SOX5: variants seen among roughly 807,000 people sequenced by gnomAD.
The protein encoded by SOX5 is SRY-box transcription factor 5, also known as transcription factor SOX-5.
SOX5 carries 9 observed loss-of-function variants against 92.0 expected under a neutral mutation model. The observed-to-expected ratio is 0.10, with a 90% confidence interval of 0.06 to 0.17. SOX5 has a LOEUF of 0.17. SOX5 is among the 10% of genes least tolerant of loss of function. The pLI, the probability that SOX5 is intolerant of heterozygous loss-of-function variation, is 1.00. For synonymous variants in SOX5, 344 were observed against 336.3 expected (o/e 1.02, Z -0.25); for missense variants, 642 against 944.5 (o/e 0.68, Z 4.20).
At chr12:24,062,111 A>G (rs1251970407) in intron 4 of SOX5, among the ~76,000 whole-genome samples, 1 of 152,242 alleles carries the variant, frequency 6.6e-6, no homozygotes, top group African/African-American at 2.4e-5. Flanking sequence ...CATAGGCTTA[A>G]GAGGCAGACT....
At chr12:24,199,810 C>A (rs1229917716) in intron 4 of SOX5, among the ~76,000 whole-genome samples, 2 of 152,120 alleles carry the variant, frequency 1.3e-5, no homozygotes, top group Non-Finnish European at 2.9e-5. Context: ...GTGCACCTAA[C>A]AAGAGAGGTG....
At chr12:24,129,513 G>C (rs1413245965) in intron 4 of SOX5, among the ~76,000 whole-genome samples, 1 of 152,144 alleles carries the variant, frequency 6.6e-6, no homozygotes, top group Non-Finnish European at 1.5e-5. Context: ...CAACAAAATT[G>C]TGCAGGGATG....
At chr12:24,132,998 C>T (rs945531776) in intron 4 of SOX5, among the ~76,000 whole-genome samples, 1 of 152,144 alleles carries the variant, frequency 6.6e-6, no homozygotes, top group South Asian at 2.1e-4. Flanking sequence ...GTCAACCTAG[C>T]GCTGTTATCC....
intron 4 of SOX5, among the ~76,000 whole-genome samples, chr12:24,073,001 G>T (rs1248988034): frequency 1.3e-5 from 2 of 152,048 alleles, no homozygotes; most frequent in South Asian, 2.1e-4. Context: ...TCCTAAAATG[G>T]ATACCTCAAA....
chr12:24,043,608 G>A (rs556954092), intron 4 of SOX5, among the ~76,000 whole-genome samples: 1 of 152,284 alleles, frequency 6.6e-6, no homozygotes, highest in South Asian at 2.1e-4. Flanking sequence ...AGTTCATCAT[G>A]GGATGGCGGC....
In SOX5 at chr12:23,529,834, T is replaced by C. The variant is rs539590320; in HGVS notation, c.*4385A>G. The C allele has an allele frequency of 1.3e-5, 2 of 152,350 alleles. No individual in the cohort carries two copies. Among genetic ancestry groups the C allele is most frequent in the Admixed American group, 6.5e-5 (1 of 15,308 alleles). 9.4% of individuals were successfully genotyped at this position (152,350 alleles called of 1,614,324 possible). A position where few individuals can be genotyped will look rare whatever the true frequency, so the allele number is the denominator to read the frequency against. On this transcript the variant is annotated 3_prime_UTR_variant, in exon 15 of 15. Transcript: ENST00000451604. ...GAGATGGTAGGTTGCACATACTTTG[T>C]TTTAAGCTCCAGGCATTTGATTGTC...
At chr12:24,518,758 T>C (rs1950014299) in intron 1 of SOX5, among the ~76,000 whole-genome samples, 2 of 152,242 alleles carry the variant, frequency 1.3e-5, no homozygotes, top group South Asian at 4.1e-4. Flanking sequence ...AAAGTTTTAA[T>C]GAATGTTAAT....
chr12:23,664,800 G>A (rs1471512246), intron 7 of SOX5, among the ~76,000 whole-genome samples: 1 of 152,084 alleles, frequency 6.6e-6, no homozygotes, highest in Non-Finnish European at 1.5e-5. Flanking sequence ...ATTAAAAGTT[G>A]AGATACAACA....
chr12:24,168,977 AT>A (rs1383097114), intron 4 of SOX5, among the ~76,000 whole-genome samples: 1 of 152,028 alleles, frequency 6.6e-6, no homozygotes, highest in Non-Finnish European at 1.5e-5. Context: ...CAAAAAAAAA[AT>A]AATAATAAGA....
intron 8 of SOX5, 29 bp downstream of exon 8, chr12:23,640,783 T>G (rs1187601985): frequency 2.0e-6 from 3 of 1,535,730 alleles, no homozygotes. Flanking sequence ...ACTTAACCTT[T>G]GTCTCCTCTG....
At chr12:24,363,429 C>G (rs1393305045) in intron 2 of SOX5, among the ~76,000 whole-genome samples, 1 of 152,094 alleles carries the variant, frequency 6.6e-6, no homozygotes, top group Non-Finnish European at 1.5e-5. Context: ...GTTAGGCTTA[C>G]CTAAGTCACC....
intron 3 of SOX5, among the ~76,000 whole-genome samples, chr12:23,803,461 C>T (rs1415431360): frequency 6.6e-6 from 1 of 152,134 alleles, no homozygotes; most frequent in South Asian, 2.1e-4. Flanking sequence ...GAAATTCTTG[C>T]TCTCTTCTCT....
At chr12:23,963,933 T>C (rs73283633) in intron 4 of SOX5, among the ~76,000 whole-genome samples, 53 of 152,130 alleles carry the variant, frequency 3.5e-4, no homozygotes, top group African/African-American at 1.2e-3. Flanking sequence ...AACAGTAGTC[T>C]TCAAACATTT....
At chr12:24,195,777 T>TA (rs1181403805) in intron 4 of SOX5, among the ~76,000 whole-genome samples, 1 of 152,134 alleles carries the variant, frequency 6.6e-6, no homozygotes, top group Non-Finnish European at 1.5e-5. Flanking sequence ...TTGAATCAAT[T>TA]AAAAAAATAC....
intron 1 of SOX5, among the ~76,000 whole-genome samples, chr12:24,372,016 A>G (rs1215136203): frequency 6.6e-6 from 1 of 151,508 alleles, no homozygotes; most frequent in Non-Finnish European, 1.5e-5. Context: ...AGAGAGAGAG[A>G]TCATTTGGAA....
intron 5 of SOX5, among the ~76,000 whole-genome samples, chr12:23,740,480 C>A (rs936163132): frequency 6.6e-6 from 1 of 152,150 alleles, no homozygotes; most frequent in Non-Finnish European, 1.5e-5. Flanking sequence ...TGGAAACTCA[C>A]TTTACTTGTT....
intron 4 of SOX5, among the ~76,000 whole-genome samples, chr12:24,204,993 G>GA (rs984774585): frequency 2.6e-5 from 4 of 151,790 alleles, no homozygotes; most frequent in Admixed American, 2.6e-4. Context: ...ATCACTCTTG[G>GA]AAAAAAAATA....
chr12:24,390,463 C>G (rs967201733), intron 1 of SOX5, among the ~76,000 whole-genome samples: 23 of 152,096 alleles, frequency 1.5e-4, no homozygotes, highest in African/African-American at 5.6e-4. Flanking sequence ...AGGGGGTACG[C>G]ATGCAGTTTT....
intron 4 of SOX5, among the ~76,000 whole-genome samples, chr12:24,013,694 C>T (rs920974357): frequency 1.3e-5 from 2 of 152,152 alleles, no homozygotes; most frequent in Non-Finnish European, 2.9e-5. Flanking sequence ...TGATTTCCTT[C>T]AGAGCTTAAC....
Sources: gnomAD v4.1 joint callset for allele counts (sites outside exome capture counted in the v4.1 genomes callset) on GRCh38, gnomAD v4.1.1 for gene constraint, MANE v1.5 for transcripts, NCBI Gene and HGNC (gene_info 2026-07-23, HGNC 2026-07-21) for gene names.